Variants in ROBO1 observed in about 807,000 individuals in gnomAD.
The protein encoded by ROBO1 is roundabout guidance receptor 1.
In ROBO1, 149 loss-of-function variants were observed where a neutral mutation model predicts 195.9. The observed-to-expected ratio is 0.76, with a 90% CI of 0.67 to 0.87. The LOEUF (loss-of-function observed/expected upper bound fraction) is 0.87. ROBO1 is among the 40% of genes least tolerant of loss of function. The pLI is 0.00. For missense variants in ROBO1, 1,933 were observed against 2,068.3 expected, an observed-to-expected ratio of 0.93 and a Z score of 1.27; for synonymous variants, 816 against 733.2, an observed-to-expected ratio of 1.11 and a Z score of -1.82.
intron 2 of ROBO1, among the ~76,000 whole-genome samples, chr3:79,507,019 G>T (rs143686738): frequency 1.3e-5 from 2 of 152,194 alleles, no homozygotes; most frequent in Non-Finnish European, 2.9e-5. Context: ...TTCTGGAAGT[G>T]TCAGTTGCCC....
intron 1 of ROBO1, among the ~76,000 whole-genome samples, chr3:79,687,616 A>G (rs1003296582): frequency 6.6e-6 from 1 of 152,206 alleles, no homozygotes; most frequent in African/African-American, 2.4e-5. Flanking sequence ...GACACATGAA[A>G]AAATGCTCAT....
At chr3:79,056,876 T>A (rs2078819615) in intron 3 of ROBO1, among the ~76,000 whole-genome samples, 1 of 152,100 alleles carries the variant, frequency 6.6e-6, no homozygotes, top group South Asian at 2.1e-4. Context: ...CTCTGTCTGT[T>A]TATCTGGACC....
chr3:79,235,765 A>G (rs2082396092), intron 2 of ROBO1, among the ~76,000 whole-genome samples: 2 of 152,116 alleles, frequency 1.3e-5, no homozygotes, highest in Non-Finnish European at 2.9e-5. Flanking sequence ...ACAAATCTCC[A>G]TATCAGAGTC....
At position 79,213,973 on chromosome 3, in the gene ROBO1, G is replaced by A. The variant is rs141096134; in HGVS notation, c.89-88434C>T. The stretch of plus-strand genomic sequence containing the variant: ...CCCTAGCAGCTGGGATTACGGGTGC[G>A]CACCACCACGCCCTGCTAAGTTTTA... On this transcript the variant is annotated intron_variant, in intron 2 of 30. Transcript: ENST00000464233. 2.6e-4 allele frequency among the ~76,000 whole-genome samples: 39 copies of A among 151,582 alleles called. 1 individual carries two copies. In the Middle Eastern group the frequency reaches 0.01, roughly 40 times the overall value.
At chr3:79,350,001 A>G (rs1302897327) in intron 2 of ROBO1, among the ~76,000 whole-genome samples, 3 of 152,214 alleles carry the variant, frequency 2.0e-5, no homozygotes, top group East Asian at 1.9e-4. Context: ...AAGTGAAAAC[A>G]CAACCCACGG....
At chr3:79,753,013 T>C (rs1449528709) in intron 1 of ROBO1, among the ~76,000 whole-genome samples, 1 of 152,066 alleles carries the variant, frequency 6.6e-6, no homozygotes, top group Non-Finnish European at 1.5e-5. Flanking sequence ...GACTGATCAT[T>C]AGTTCATTTG....
At chr3:79,205,336 A>T (rs1264865793) in intron 2 of ROBO1, among the ~76,000 whole-genome samples, 1 of 152,052 alleles carries the variant, frequency 6.6e-6, no homozygotes, top group East Asian at 1.9e-4. Flanking sequence ...TAAAAGTGAG[A>T]CTCAATTCCT....
At chr3:78,634,608 G>A (rs749069431) in intron 23 of ROBO1, 11 of 229,188 alleles carry the variant, frequency 4.8e-5, no homozygotes, top group African/African-American at 1.6e-4. Context: ...AGGGCTTTCC[G>A]AAGTCCACAG....
At chr3:79,022,680 G>C (rs1008648863) in intron 3 of ROBO1, among the ~76,000 whole-genome samples, 1 of 152,202 alleles carries the variant, frequency 6.6e-6, no homozygotes, top group African/African-American at 2.4e-5. Flanking sequence ...GAAGGAGAAA[G>C]TGTGGTAACT....
intron 2 of ROBO1, among the ~76,000 whole-genome samples, chr3:79,248,033 C>T (rs781606547): frequency 2.0e-5 from 3 of 152,058 alleles, no homozygotes; most frequent in Non-Finnish European, 4.4e-5. Context: ...TAATGATGTT[C>T]TCCTGATGTT....
intron 2 of ROBO1, among the ~76,000 whole-genome samples, chr3:79,315,751 G>A (rs2033702324): frequency 6.6e-6 from 1 of 152,282 alleles, no homozygotes; most frequent in Non-Finnish European, 1.5e-5. Flanking sequence ...ATAATCTGGA[G>A]TTTTAAGGCA....
intron 2 of ROBO1, among the ~76,000 whole-genome samples, chr3:79,558,024 C>A (rs1942775500): frequency 6.6e-6 from 1 of 152,002 alleles, no homozygotes; most frequent in African/African-American, 2.4e-5. Context: ...GTACAATAAT[C>A]AGCCTGAATA....
chr3:78,896,658 CAAA>C (rs142287501), intron 4 of ROBO1, among the ~76,000 whole-genome samples: 1 of 65,892 alleles, frequency 1.5e-5, no homozygotes, highest in East Asian at 4.1e-4. Context: ...TTGTTGCTCA[CAAA>C]AAAAAAAAAA....
intron 1 of ROBO1, among the ~76,000 whole-genome samples, chr3:79,697,968 TA>T (rs1299192919): frequency 6.6e-6 from 1 of 151,476 alleles, no homozygotes; most frequent in African/African-American, 2.4e-5. Flanking sequence ...AAACATAAAT[TA>T]AAAAATGTTA....
At chr3:79,649,157 T>G (rs1351320196) in intron 1 of ROBO1, among the ~76,000 whole-genome samples, 1 of 152,016 alleles carries the variant, frequency 6.6e-6, no homozygotes, top group African/African-American at 2.4e-5. Context: ...TAAAGCCCTA[T>G]AAATGATTTC....
chr3:79,046,501 A>G (rs2078596670), intron 3 of ROBO1, among the ~76,000 whole-genome samples: 1 of 152,134 alleles, frequency 6.6e-6, no homozygotes, highest in Non-Finnish European at 1.5e-5. Flanking sequence ...GTATTAACTA[A>G]CATGATCACA....
At chr3:78,821,495 C>G (rs1268141381) in intron 4 of ROBO1, among the ~76,000 whole-genome samples, 1 of 152,060 alleles carries the variant, frequency 6.6e-6, no homozygotes, top group East Asian at 1.9e-4. Context: ...GACATCCCAT[C>G]TGTGTAGTCA....
intron 2 of ROBO1, among the ~76,000 whole-genome samples, chr3:79,135,634 A>C (rs1467275398): frequency 1.3e-5 from 2 of 151,946 alleles, no homozygotes; most frequent in Non-Finnish European, 2.9e-5. Flanking sequence ...GCAATCATTC[A>C]ATCTTCTTTT....
At chr3:79,648,720 G>C (rs1945908647) in intron 1 of ROBO1, among the ~76,000 whole-genome samples, 1 of 151,930 alleles carries the variant, frequency 6.6e-6, no homozygotes, top group South Asian at 2.1e-4. Context: ...TATGAGTCTT[G>C]ACAAAGATAA....
Sources: allele counts gnomAD v4.1 joint callset (sites outside exome capture counted in the v4.1 genomes callset), GRCh38; gene constraint gnomAD v4.1.1; transcripts MANE v1.5; gene names NCBI Gene and HGNC (gene_info 2026-07-23, HGNC 2026-07-21).